Variants in TULP4 observed in about 807,000 individuals in gnomAD.
TULP4 encodes tubby-related protein 4.
In TULP4, 16 loss-of-function variants were observed where a neutral mutation model predicts 129.0. The observed-to-expected ratio is 0.12, with a 90% confidence interval of 0.08 to 0.19. The LOEUF (loss-of-function observed/expected upper bound fraction) is 0.19. Among genes scored for constraint, TULP4 ranks in the 10% least tolerant of loss-of-function variants. The pLI is 1.00. For missense variants in TULP4, 1,842 were observed against 2,059.1 expected (o/e 0.89, Z 2.04); for synonymous variants, 998 against 854.0 (o/e 1.17, Z -2.94).
At chr6:158,285,418 G>A (rs1196479521) in intron 1 of TULP4, among the ~76,000 whole-genome samples, 1 of 152,124 alleles carries the variant, frequency 6.6e-6, no homozygotes, top group African/African-American at 2.4e-5. Flanking sequence ...GGCAACGTAA[G>A]GAAACACTTT....
rs145333449 is a variant in TULP4, at chr6:158,345,509, G to A, written c.252+31241G>A. On this transcript the variant is annotated intron_variant, in intron 1 of 13. Transcript: ENST00000367097. ...GAATTTTACAGCTGGGCCGCCAGGC[G>A]TGACATCACATATCGGTAGGACCGT... is the stretch of plus-strand genomic sequence containing the variant. Among the ~76,000 whole-genome samples, 386 of 152,308 alleles carry A rather than the reference G, an allele frequency of 2.5e-3. 2 individuals carry two copies. Among genetic ancestry groups the A allele is most frequent in the African/African-American group, 8.7e-3 (363 of 41,558 alleles).
In TULP4 at chr6:158,502,031, C is replaced by T. The variant is rs1780458461; in HGVS notation, c.2368C>T (p.His790Tyr). 17 of 1,613,740 alleles carry T rather than the reference C, an allele frequency of 1.1e-5. No homozygotes were observed. Among genetic ancestry groups the T allele is most frequent in the Non-Finnish European group, 1.4e-5 (17 of 1,179,908 alleles). The change falls in exon 13 of 14, where the codon CAT becomes TAT. Residue 790 changes from histidine to tyrosine, a missense_variant. His to Tyr is a moderately conservative substitution (Grantham distance 83, BLOSUM62 2). Coordinates refer to ENST00000367097, the MANE Select transcript of TULP4 (RefSeq NM_020245.5). Reference protein sequence around the residue: ...QGPMQLSTVGHGDRDHEHLQK... With the variant: ...QGPMQLSTVGYGDRDHEHLQK... ...GCCCATGCAGCTGTCCACGGTGGGC[C>T]ATGGAGACCGAGACCACGAACACCT...
intron 1 of TULP4, among the ~76,000 whole-genome samples, chr6:158,296,825 T>C (rs759528304): frequency 2.6e-5 from 4 of 151,924 alleles, no homozygotes; most frequent in Non-Finnish European, 5.9e-5. Context: ...GGAGGGAGTG[T>C]ATGAACAGGG....
At chr6:158,427,470 C>CTTTTTTTT (rs1251385882) in intron 2 of TULP4, among the ~76,000 whole-genome samples, 53 of 100,686 alleles carry the variant, frequency 5.3e-4, no homozygotes, top group Non-Finnish European at 7.2e-4. Flanking sequence ...AATTATCAGA[C>CTTTTTTTT]CTTTTTTTTT....
chr6:158,438,606 A>G (rs985820079), intron 3 of TULP4, among the ~76,000 whole-genome samples: 11 of 143,448 alleles, frequency 7.7e-5, no homozygotes, highest in Admixed American at 5.7e-4. Context: ...TTTGTTTGAG[A>G]CAGAGTCTCG....
intron 1 of TULP4, among the ~76,000 whole-genome samples, chr6:158,256,396 T>A (rs67208318): frequency 0.16 from 23,635 of 152,230 alleles, 2,480 homozygotes; most frequent in East Asian, 0.43. Context: ...ACAGGCAGCT[T>A]TCATGTTTTC....
chr6:158,237,812 C>T (rs1777746273), intron 1 of TULP4: 1 of 768,258 alleles, frequency 1.3e-6, no homozygotes, highest in Non-Finnish European at 2.4e-6. Context: ...GACATACTAT[C>T]TGATGATGGC....
intron 1 of TULP4, among the ~76,000 whole-genome samples, chr6:158,399,189 G>C (rs62437409): frequency 0.22 from 34,134 of 152,098 alleles, 4,756 homozygotes; most frequent in Middle Eastern, 0.33. Flanking sequence ...AAGAATTGTT[G>C]TTTCTAGGCA....
chr6:158,510,870 A>G lies in TULP4; in HGVS notation c.*4176A>G, dbSNP rs1244739224. The G allele has an allele frequency of 6.6e-6, 1 of 152,228 alleles. No homozygotes were observed. The highest frequency in any genetic ancestry group is 1.5e-5 in the Non-Finnish European group (1 of 68,040). The allele number at this position is 152,228 out of a possible 1,614,324, so 9.4% of individuals were successfully genotyped here. A position where few individuals can be genotyped will look rare whatever the true frequency, so the allele number is the denominator to read the frequency against. Reference sequence around the variant, plus strand: ...TTCAAATTGAAAAGGTTTCTTGAAAAGGAAAGTTTGGCCCAGCAACTGGAG... The same window carrying G: ...TTCAAATTGAAAAGGTTTCTTGAAAGGGAAAGTTTGGCCCAGCAACTGGAG... On this transcript the variant is annotated 3_prime_UTR_variant, in exon 14 of 14. Coordinates refer to ENST00000367097, the MANE Select transcript of TULP4 (RefSeq NM_020245.5).
chr6:158,461,182 C>T (rs976060303), intron 5 of TULP4, among the ~76,000 whole-genome samples: 1 of 152,104 alleles, frequency 6.6e-6, no homozygotes, highest in African/African-American at 2.4e-5. Flanking sequence ...GAGGCCAAGG[C>T]GGGCAGATCA....
chr6:158,412,499 A>G (rs1644126490), intron 1 of TULP4, among the ~76,000 whole-genome samples: 1 of 152,154 alleles, frequency 6.6e-6, no homozygotes, highest in South Asian at 2.1e-4. Context: ...GAAGCTTATA[A>G]TTTCTTGTTA....
intron 12 of TULP4, among the ~76,000 whole-genome samples, chr6:158,500,721 A>T (rs1562592994): frequency 6.6e-6 from 1 of 152,354 alleles, no homozygotes; most frequent in East Asian, 1.9e-4. Flanking sequence ...GGATATATTT[A>T]TAGGGTTTAA....
rs749463803 is a variant in TULP4, at chr6:158,461,543, C to T, written c.860-20C>T. On this transcript the variant is annotated intron_variant, in intron 5 of 13. Transcript: ENST00000367097. Reference sequence around the variant, plus strand: ...GAGGAGGGCTGTGTCCTTGTGCTGACCCTCTCTCCTCTGTTTCAGAGGTGG... The same window carrying T: ...GAGGAGGGCTGTGTCCTTGTGCTGATCCTCTCTCCTCTGTTTCAGAGGTGG... The T allele has an allele frequency of 7.5e-6, 12 of 1,609,160 alleles. 1 individual carries two copies. In the South Asian group the frequency reaches 1.2e-4, roughly 16 times the overall value.
At chr6:158,244,971 G>C (rs886281793) in intron 1 of TULP4, among the ~76,000 whole-genome samples, 21 of 151,916 alleles carry the variant, frequency 1.4e-4, no homozygotes, top group African/African-American at 5.1e-4. Flanking sequence ...TGATTATGTT[G>C]GCAATATAAT....
chr6:158,301,852 G>A (rs1213646966), intron 1 of TULP4, among the ~76,000 whole-genome samples: 4 of 147,306 alleles, frequency 2.7e-5, no homozygotes, highest in Non-Finnish European at 4.5e-5. Context: ...AAGTTAGATG[G>A]CGCGTATGTT....
intron 11 of TULP4, among the ~76,000 whole-genome samples, 182 bp downstream of exon 11, chr6:158,495,028 A>G (rs1349232096): frequency 6.6e-6 from 1 of 151,956 alleles, no homozygotes; most frequent in Non-Finnish European, 1.5e-5. Flanking sequence ...TCTCACTCAC[A>G]TTGGCTTTTT....
chr6:158,251,183 A>G (rs1778133214), intron 1 of TULP4, among the ~76,000 whole-genome samples: 3 of 152,196 alleles, frequency 2.0e-5, no homozygotes, highest in Admixed American at 1.3e-4. Flanking sequence ...TTACCACATA[A>G]TATTATTTTG....
intron 1 of TULP4, among the ~76,000 whole-genome samples, chr6:158,266,371 C>T (rs1350384314): frequency 1.3e-5 from 2 of 152,174 alleles, no homozygotes; most frequent in Non-Finnish European, 2.9e-5. Context: ...AATCTCATGC[C>T]TCAGCCTTCC....
chr6:158,489,880 T>C (rs1780160223), intron 9 of TULP4, 148 bp downstream of exon 9: 6 of 1,048,088 alleles, frequency 5.7e-6, no homozygotes, highest in Non-Finnish European at 8.2e-6. Context: ...CTGGAATAAT[T>C]ACAACTTCTA....
Sources: gnomAD v4.1 joint callset for allele counts (sites outside exome capture counted in the v4.1 genomes callset) on GRCh38, gnomAD v4.1.1 for gene constraint, MANE v1.5 for transcripts, NCBI Gene and HGNC (gene_info 2026-07-23, HGNC 2026-07-21) for gene names.